ABCA8: variants seen among roughly 807,000 people sequenced by gnomAD.
ABCA8 encodes ATP binding cassette subfamily A member 8, also known as ABC-type organic anion transporter ABCA8.
Under a neutral mutation model 192.3 loss-of-function variants are expected in ABCA8, and 177 were observed. That is an observed-to-expected ratio of 0.92 (90% confidence interval 0.81 to 1.04). ABCA8 has a LOEUF of 1.04. Ranked by LOEUF, ABCA8 falls within the 50% of genes least tolerant of loss-of-function variation. The pLI, the probability that ABCA8 is intolerant of heterozygous loss-of-function variation, is 0.00. For synonymous variants in ABCA8, 642 were observed against 690.2 expected (o/e 0.93, Z 1.09); for missense variants, 1,915 against 1,904.8 (o/e 1.01, Z -0.10).
intron 21 of ABCA8, among the ~76,000 whole-genome samples, chr17:68,900,470 T>G: frequency 1.4e-5 from 2 of 144,502 alleles, no homozygotes; most frequent in South Asian, 2.2e-4. Context: ...AGAAAATCCC[T>G]CACCCAGATA....
intron 10 of ABCA8, among the ~76,000 whole-genome samples, chr17:68,927,432 G>A (rs2067730748): frequency 7.3e-6 from 1 of 137,734 alleles, no homozygotes; most frequent in Non-Finnish European, 1.7e-5. Context: ...CTTTCCTATT[G>A]TGAACTTCTG....
Position 68,929,563 on chromosome 17 carries a change from A to T in ABCA8, c.937T>A (p.Leu313Met). The T allele has an allele frequency of 6.2e-7, 1 of 1,610,986 alleles. No individual in the cohort carries two copies. The highest frequency in any genetic ancestry group is 1.3e-5 in the African/African-American group (1 of 74,718). ...FSLFLLYGLS[L>M]VALAFLMSIL... is the part of the protein sequence containing the mutation. ...AGATATTTAATTCACTAACTCACCA[A>T]AGATAATCCATACAGGAGAAAGAGG... is the stretch of plus-strand genomic sequence containing the variant. Residue 313 changes from leucine to methionine, a missense_variant and splice_region_variant, in exon 8 of 40, where the codon TTG becomes ATG. Coordinates refer to ENST00000586539, the MANE Select transcript of ABCA8 (RefSeq NM_001288985.2).
rs545089190 is a variant in ABCA8 at position 68,911,500 on chromosome 17, AGTGGG to A, written c.2139-3626_2139-3622del. On this transcript the variant is annotated intron_variant, in intron 17 of 39. Coordinates refer to ENST00000586539, the MANE Select transcript of ABCA8 (RefSeq NM_001288985.2). The surrounding 1 kb of genome is among the most constrained non-coding windows in gnomAD (Gnocchi z 5.7). The stretch of plus-strand genomic sequence containing the variant: ...GGCATTTCTGGACCCACCCTGGGCC[AGTGGG>A]AAGCTTGCCACCATAAAGGGAAGGA... Among the ~76,000 whole-genome samples the A allele has an allele frequency of 2.2e-3, 336 of 152,194 alleles. 1 individual carries two copies. Among genetic ancestry groups the A allele is most frequent in the African/African-American group, 8.0e-3 (331 of 41,514 alleles).
chr17:68,883,892 A>G lies in ABCA8; in HGVS notation c.3616-10T>C. The G allele has an allele frequency of 6.8e-7, 1 of 1,463,060 alleles. No homozygotes were observed. The highest frequency in any genetic ancestry group is 9.5e-7 in the Non-Finnish European group (1 of 1,057,922). 90.6% of individuals were successfully genotyped at this position (1,463,060 alleles called of 1,614,324 possible). A position where few individuals can be genotyped will look rare whatever the true frequency, so the allele number is the denominator to read the frequency against. On this transcript the variant is annotated splice_polypyrimidine_tract_variant and intron_variant, in intron 28 of 39. Transcript: ENST00000586539. ...TAAAATGAAGGAAAGGCTAGGAATA[A>G]AGAGAGATGCACAATTAGAAACATA...
rs536963024 is a variant in ABCA8, at chr17:68,950,564, T to G, written c.-166-1092A>C. 1.3e-3 allele frequency among the ~76,000 whole-genome samples: 194 copies of G among 152,344 alleles called. 1 individual carries two copies. The highest frequency in any genetic ancestry group is 2.9e-4 in the Non-Finnish European group (20 of 68,032). ...TTCTTTTTATTTTTATTCATTAGTCTTGCTAGAATTTTGAATGTATTAATG... is the reference window on the plus strand; with the variant it reads ...TTCTTTTTATTTTTATTCATTAGTCGTGCTAGAATTTTGAATGTATTAATG... On this transcript the variant is annotated intron_variant, in intron 1 of 39. Transcript: ENST00000586539.
rs1051176600 is a variant in ABCA8, at chr17:68,945,784, T to A, written c.-6+3528A>T. Among the ~76,000 whole-genome samples, 3 of 152,118 alleles carry A rather than the reference T, an allele frequency of 2.0e-5. No individual in the cohort carries two copies. In the East Asian group the frequency reaches 5.8e-4, roughly 29 times the overall value. ...CTCTCTCGAATAGCAGATATGTGTG[T>A]GTTTGTATTTATGTTTGTGTGTATA... On this transcript the variant is annotated intron_variant, in intron 2 of 39. Coordinates refer to ENST00000586539, the MANE Select transcript of ABCA8 (RefSeq NM_001288985.2).
In ABCA8 at chr17:68,894,261, G is replaced by A. The variant is rs1178368407; in HGVS notation, c.2948C>T (p.Pro983Leu). 6.2e-7 allele frequency: 1 copy of A among 1,612,134 alleles called. No individual in the cohort carries two copies. The highest frequency in any genetic ancestry group is 1.3e-5 in the African/African-American group (1 of 74,832). The change falls in exon 23 of 40, where the codon CCA becomes CTA. Residue 983 changes from proline (P) to leucine (L), a missense_variant. Coordinates refer to ENST00000586539, the MANE Select transcript of ABCA8 (RefSeq NM_001288985.2). ...ATTACTAACAATGTCCATAAGAACT[G>A]GGAAGCAATTCAATCTTTTGGCATT... ...ACNAKRLNCF[P>L]VLMDIVSNGL...
At position 68,903,373 on chromosome 17, in the gene ABCA8, C is replaced by T; in HGVS notation, c.2525G>A (p.Arg842Gln). The T allele has an allele frequency of 1.9e-6, 3 of 1,614,156 alleles. No homozygotes were observed. Among genetic ancestry groups the T allele is most frequent in the South Asian group, 2.2e-5 (2 of 91,078 alleles). Residue 842 changes from arginine (R) to glutamine (Q), a missense_variant, in exon 20 of 40, where the codon CGA becomes CAA. By Grantham distance (43) the Arg-to-Gln change is conservative. Transcript: ENST00000586539. Reference protein sequence around the residue: ...RKTIGGVALWRQQICAIARVR... With the variant: ...RKTIGGVALWQQQICAIARVR... ...CCTTGCAATTGCGCAGATTTGCTGTCGCCAGAGAGCCACACCACCTATTGT... is the reference window on the plus strand; with the variant it reads ...CCTTGCAATTGCGCAGATTTGCTGTTGCCAGAGAGCCACACCACCTATTGT...
At chr17:68,875,082 C>T (rs1187726923) in intron 37 of ABCA8, among the ~76,000 whole-genome samples, 178 bp downstream of exon 37, 3 of 152,174 alleles carry the variant, frequency 2.0e-5, no homozygotes, top group Non-Finnish European at 4.4e-5. Flanking sequence ...CATAGTGGAA[C>T]CATGACATTT....
chr17:68,868,016 T>C lies in ABCA8; in HGVS notation c.*69A>G. On this transcript the variant is annotated 3_prime_UTR_variant, in exon 40 of 40. Coordinates refer to ENST00000586539, the MANE Select transcript of ABCA8 (RefSeq NM_001288985.2). ...TAATATAGTTTCTAAAAATAGAACATTGCTGCTATAAAAATAAATGTATTT... is the reference window on the plus strand; with the variant it reads ...TAATATAGTTTCTAAAAATAGAACACTGCTGCTATAAAAATAAATGTATTT... The C allele has an allele frequency of 9.0e-7, 1 of 1,110,378 alleles. No individual in the cohort carries two copies. Among genetic ancestry groups the C allele is most frequent in the South Asian group, 1.6e-5 (1 of 62,448 alleles). 68.8% of individuals were successfully genotyped at this position (1,110,378 alleles called of 1,614,324 possible).
At chr17:68,881,297 G>A in intron 31 of ABCA8, 86 bp from the exon 32 acceptor site, 4 of 955,266 alleles carry the variant, frequency 4.2e-6, no homozygotes, top group Non-Finnish European at 6.5e-6. Context: ...TATGTGACAA[G>A]CATTTGCTAT....
chr17:68,876,210 C>T (rs771964760), intron 35 of ABCA8: 160 of 558,586 alleles, frequency 2.9e-4, no homozygotes, highest in Admixed American at 1.5e-4. Flanking sequence ...ATCAGCTGAG[C>T]GCTTATGAAA....
chr17:68,927,297 G>C (rs2067727827), intron 10 of ABCA8, among the ~76,000 whole-genome samples: 1 of 152,108 alleles, frequency 6.6e-6, no homozygotes, highest in Admixed American at 6.6e-5. Flanking sequence ...CAAGTATCTA[G>C]GGTGCATGAG....
In ABCA8 at chr17:68,883,805, C is replaced by A. The variant is rs528085802; in HGVS notation, c.3693G>T (p.Lys1231Asn). The stretch of plus-strand genomic sequence containing the variant: ...TTTTTTCCAACCTAAAGAAAGGATC[C>A]TTTCTCATTGATTTCTTTCCAAACT... Reference protein sequence around the residue: ...EWKFGKKSMRKDPFFRISPRS... With the variant: ...EWKFGKKSMRNDPFFRISPRS... The change falls in exon 29 of 40, where the codon AAG becomes AAT. Residue 1231 changes from lysine to asparagine, a missense_variant. Lys to Asn is a moderately conservative substitution (Grantham distance 94, BLOSUM62 0). Transcript: ENST00000586539. 2.5e-6 allele frequency: 4 copies of A among 1,586,166 alleles called. No homozygotes were observed. Among genetic ancestry groups the A allele is most frequent in the East Asian group, 2.3e-5 (1 of 44,408 alleles).
chr17:68,938,613 C>G (rs1348459224), intron 4 of ABCA8, among the ~76,000 whole-genome samples: 1 of 152,026 alleles, frequency 6.6e-6, no homozygotes, highest in African/African-American at 2.4e-5. Flanking sequence ...TAATATTCAC[C>G]CTTTTAATAA....
chr17:68,906,752 G>A (rs538816176), intron 18 of ABCA8, among the ~76,000 whole-genome samples: 1 of 152,276 alleles, frequency 6.6e-6, no homozygotes, highest in East Asian at 1.9e-4. Context: ...TCCTGGAATT[G>A]TGACAGTGAT....
chr17:68,906,016 C>T (rs775910057), intron 19 of ABCA8, 28 bp downstream of exon 19: 1 of 1,534,500 alleles, frequency 6.5e-7, no homozygotes, highest in Admixed American at 2.0e-5. Flanking sequence ...TGTGCTTTTA[C>T]ATAATAATTT....
At chr17:68,934,240 A>T (rs1378509365) in intron 5 of ABCA8, among the ~76,000 whole-genome samples, 1 of 152,084 alleles carries the variant, frequency 6.6e-6, no homozygotes, top group Non-Finnish European at 1.5e-5. Context: ...GTAAATCAAT[A>T]TATTTATCCA....
At chr17:68,921,587 G>A in intron 12 of ABCA8, 95 bp from the exon 13 acceptor site, 1 of 643,668 alleles carries the variant, frequency 1.6e-6, no homozygotes, top group Non-Finnish European at 2.6e-6. Flanking sequence ...CCAATGAATT[G>A]TTATTAATTC....
Sources: gnomAD v4.1 joint callset for allele counts (sites outside exome capture counted in the v4.1 genomes callset) on GRCh38, gnomAD v4.1.1 for gene constraint, Gnocchi (gnomAD v3.1) non-coding constraint, MANE v1.5 for transcripts, NCBI Gene and HGNC (gene_info 2026-07-23, HGNC 2026-07-21) for gene names.